MAST4: variants seen among roughly 807,000 people sequenced by gnomAD.
The protein encoded by MAST4 is microtubule associated serine/threonine kinase family member 4.
Under a neutral mutation model 162.7 loss-of-function variants are expected in MAST4, and 89 were observed. The observed-to-expected ratio is 0.55, with a 90% CI of 0.46 to 0.65. MAST4 has a LOEUF of 0.65. MAST4 is among the 30% of genes least tolerant of loss of function. The pLI is 0.00. For missense variants in MAST4, 3,153 were observed against 3,374.0 expected, an observed-to-expected ratio of 0.93 and a Z score of 1.62; for synonymous variants, 1,479 against 1,361.1, an observed-to-expected ratio of 1.09 and a Z score of -1.91.
chr5:67,159,756 G>A (rs1393067159), intron 26 of MAST4, among the ~76,000 whole-genome samples: 1 of 152,094 alleles, frequency 6.6e-6, no homozygotes, highest in Non-Finnish European at 1.5e-5. Flanking sequence ...CCCTTCCCAG[G>A]ATTGAGAGAA....
rs570715498 is a variant in MAST4 at position 67,059,139 on chromosome 5, C to G, written c.763+4647C>G. Among the ~76,000 whole-genome samples, 3 of 152,260 alleles carry G rather than the reference C, an allele frequency of 2.0e-5. No homozygotes were observed. In the South Asian group the frequency reaches 6.2e-4, roughly 32 times the overall value. Reference sequence around the variant, plus strand: ...ATTGCCTTTGTAGGACTGAGTTCCCCGCTTCACCCTGGCTATCAGCAAGGA... The same window carrying G: ...ATTGCCTTTGTAGGACTGAGTTCCCGGCTTCACCCTGGCTATCAGCAAGGA... On this transcript the variant is annotated intron_variant, in intron 5 of 28. Transcript: ENST00000403625.
intron 2 of MAST4, among the ~76,000 whole-genome samples, chr5:66,776,107 G>C (rs1047108350): frequency 6.6e-6 from 1 of 152,210 alleles, no homozygotes. Flanking sequence ...TAGAGAACGT[G>C]TTAGGAAATT....
At chr5:66,608,527 A>G (rs1743058072) in intron 1 of MAST4, among the ~76,000 whole-genome samples, 1 of 151,356 alleles carries the variant, frequency 6.6e-6, no homozygotes, top group South Asian at 2.1e-4. Context: ...ATTCTTTTAC[A>G]CTTATTTGGT....
chr5:66,848,153 T>C lies in MAST4; in HGVS notation c.643-51798T>C, dbSNP rs76658977. On this transcript the variant is annotated intron_variant, in intron 3 of 28. Coordinates refer to ENST00000403625, the MANE Select transcript of MAST4 (RefSeq NM_001164664.2). ...ACTATTTGCTTAAGATTTTTTTCTT[T>C]TGAATATTCAGAAATTTTTATTTTG... Among the ~76,000 whole-genome samples, 1,232 of 152,302 alleles carry C rather than the reference T, an allele frequency of 8.1e-3. 16 individuals carry two copies. Among genetic ancestry groups the C allele is most frequent in the African/African-American group, 0.029 (1,186 of 41,566 alleles).
At chr5:66,635,743 T>A (rs1175722170) in intron 1 of MAST4, among the ~76,000 whole-genome samples, 1 of 151,740 alleles carries the variant, frequency 6.6e-6, no homozygotes, top group Non-Finnish European at 1.5e-5. Context: ...AATGGCATGA[T>A]CTTGGCTCAC....
chr5:66,627,146 G>C (rs1375417422), intron 1 of MAST4, among the ~76,000 whole-genome samples: 1 of 152,118 alleles, frequency 6.6e-6, no homozygotes, highest in Non-Finnish European at 1.5e-5. Flanking sequence ...TGGGCGGAAG[G>C]GGAAGCAAAC....
chr5:67,142,069 G>A (rs773781149), intron 19 of MAST4, 46 bp from the exon 20 acceptor site: 48 of 1,587,166 alleles, frequency 3.0e-5, no homozygotes, highest in Non-Finnish European at 4.0e-5. Context: ...TGCTTAGTGG[G>A]GATAGTTTAA....
Position 67,149,535 on chromosome 5 carries a change from G to T in MAST4, c.3241G>T (p.Gly1081Trp). ...AAGCACAGAAAAAAAGAAAATCTCG[G>T]GGAAAGTCACAAAGTCCCTCTCTGC... ...LESTEKKKISGKVTKSLSASA... is the reference protein window; with the variant it reads ...LESTEKKKISWKVTKSLSASA... Residue 1081 changes from glycine to tryptophan, a missense_variant, in exon 24 of 29, where the codon GGG becomes TGG. Around this residue, in one of 7 missense-constraint regions of MAST4, gnomAD observed 619 missense variants for 744.2 expected, o/e 0.83. Transcript: ENST00000403625. 6.2e-7 allele frequency: 1 copy of T among 1,613,820 alleles called. No individual in the cohort carries two copies. The highest frequency in any genetic ancestry group is 1.7e-4 in the Middle Eastern group (1 of 6,060).
At chr5:66,704,780 G>A (rs1304436302) in intron 1 of MAST4, among the ~76,000 whole-genome samples, 3 of 152,094 alleles carry the variant, frequency 2.0e-5, no homozygotes, top group Admixed American at 6.5e-5. Flanking sequence ...GATTACAGGC[G>A]TGTCTTCCAC....
In MAST4 at chr5:66,640,858, G is replaced by C. The variant is rs115650933; in HGVS notation, c.363+43840G>C. 7.0e-3 allele frequency among the ~76,000 whole-genome samples: 1,069 copies of C among 152,164 alleles called. 13 individuals are homozygous for C. Among genetic ancestry groups the C allele is most frequent in the African/African-American group, 0.025 (1,027 of 41,516 alleles). ...TACAGTCCATTAGCAATGTACCAGG[G>C]TTCCCTTTTCCCTACACCCTCTTGA... On this transcript the variant is annotated intron_variant, in intron 1 of 28. Transcript: ENST00000403625.
At chr5:67,160,758 C>T (rs1773098558) in intron 27 of MAST4, among the ~76,000 whole-genome samples, 166 bp downstream of exon 27, 1 of 152,178 alleles carries the variant, frequency 6.6e-6, no homozygotes, top group African/African-American at 2.4e-5. Context: ...ATAATAGCAT[C>T]AACTTCCATA....
At chr5:67,037,067 C>T (rs1337714181) in intron 4 of MAST4, among the ~76,000 whole-genome samples, 2 of 151,996 alleles carry the variant, frequency 1.3e-5, no homozygotes, top group Admixed American at 6.6e-5. Context: ...TAAAAGAGGT[C>T]GTTAATTCCA....
chr5:66,813,371 C>A (rs896182073), intron 3 of MAST4, among the ~76,000 whole-genome samples: 1 of 152,088 alleles, frequency 6.6e-6, no homozygotes, highest in Admixed American at 6.5e-5. Flanking sequence ...AGAGTAAAAC[C>A]AGACAAGTGT....
chr5:66,702,388 T>A (rs1323361359), intron 1 of MAST4, among the ~76,000 whole-genome samples: 1 of 152,110 alleles, frequency 6.6e-6, no homozygotes, highest in Non-Finnish European at 1.5e-5. Flanking sequence ...GGGAATGTGG[T>A]GATGGGCAAC....
At chr5:66,837,892 ATATTTTTTTTTT>A (rs1308383512) in intron 3 of MAST4, among the ~76,000 whole-genome samples, 17 of 35,022 alleles carry the variant, frequency 4.9e-4, no homozygotes, top group South Asian at 2.2e-3. Context: ...ATATATATAT[ATATTTTTTTTTT>A]TTTTTTTTTT....
chr5:66,653,372 T>C (rs1236536268), intron 1 of MAST4, among the ~76,000 whole-genome samples: 1 of 152,214 alleles, frequency 6.6e-6, no homozygotes, highest in Non-Finnish European at 1.5e-5. Context: ...CCATTCCACC[T>C]TTGTTGGTCC....
At chr5:66,938,165 C>T (rs1001454797) in intron 4 of MAST4, among the ~76,000 whole-genome samples, 4 of 151,976 alleles carry the variant, frequency 2.6e-5, no homozygotes, top group Non-Finnish European at 4.4e-5. Flanking sequence ...GTCATATTGC[C>T]TAGAATCTTA....
intron 4 of MAST4, among the ~76,000 whole-genome samples, chr5:66,981,929 C>A (rs969146265): frequency 6.6e-6 from 1 of 152,192 alleles, no homozygotes; most frequent in African/African-American, 2.4e-5. Context: ...CCAATGAGAT[C>A]ATTCTTACTC....
intron 1 of MAST4, among the ~76,000 whole-genome samples, chr5:66,691,499 G>A (rs1749036844): frequency 6.6e-6 from 1 of 152,150 alleles, no homozygotes; most frequent in African/African-American, 2.4e-5. Context: ...AGTCCATTCA[G>A]GTTCCTATAA....
Sources: gnomAD v4.1 joint callset for allele counts (sites outside exome capture counted in the v4.1 genomes callset) on GRCh38, gnomAD v4.1.1 for gene constraint, gnomAD v4.1.1 regional missense constraint, MANE v1.5 for transcripts, NCBI Gene and HGNC (gene_info 2026-07-23, HGNC 2026-07-21) for gene names.